The following IMMP2L variants were observed in gnomAD, a reference collection of about 807,000 sequenced individuals.
The protein encoded by IMMP2L is inner mitochondrial membrane peptidase subunit 2, also known as mitochondrial inner membrane protease subunit 2.
A neutral mutation model predicts 19.3 loss-of-function variants in IMMP2L; 18 were observed. That is an observed-to-expected ratio of 0.93 (90% CI 0.64 to 1.38). The LOEUF (loss-of-function observed/expected upper bound fraction) is 1.38, where lower values mean the gene tolerates loss of function less well. Ranked by LOEUF, IMMP2L falls within the 40% of genes most tolerant of loss-of-function variation. IMMP2L has a pLI of 0.00. For synonymous variants in IMMP2L, 76 were observed against 73.0 expected (o/e 1.04, Z -0.21); for missense variants, 233 against 218.2 (o/e 1.07, Z -0.43).
At chr7:111,353,754 C>T (rs572851548) in intron 3 of IMMP2L, among the ~76,000 whole-genome samples, 1 of 152,170 alleles carries the variant, frequency 6.6e-6, no homozygotes. Context: ...CAAAAAAGGA[C>T]TTTCTCAGAA....
At chr7:111,491,394 G>T (rs568055725) in intron 2 of IMMP2L, among the ~76,000 whole-genome samples, 1 of 152,140 alleles carries the variant, frequency 6.6e-6, no homozygotes, top group African/African-American at 2.4e-5. Context: ...AGTGAACTGC[G>T]CTACCTTATT....
rs376416524 is a variant in IMMP2L, at chr7:111,331,042, A to G, written c.239+156196T>C. 1.9e-4 allele frequency among the ~76,000 whole-genome samples: 29 copies of G among 152,094 alleles called. No individual in the cohort carries two copies. In the South Asian group the frequency reaches 4.8e-3, roughly 25 times the overall value. ...GGAAGTTCCTCAAAAAACTAAAAAT[A>G]GAATTAGCATATGACCCAGCAATCC... On this transcript the variant is annotated intron_variant, in intron 3 of 5. Transcript: ENST00000405709.
intron 3 of IMMP2L, among the ~76,000 whole-genome samples, chr7:111,469,486 G>A (rs1841008658): frequency 6.6e-6 from 1 of 151,974 alleles, no homozygotes; most frequent in Admixed American, 6.6e-5. Context: ...TTGTAAGTTG[G>A]ATTCCTAGGT....
chr7:110,686,476 G>C (rs1793122577), intron 5 of IMMP2L, among the ~76,000 whole-genome samples: 1 of 151,810 alleles, frequency 6.6e-6, no homozygotes, highest in Non-Finnish European at 1.5e-5. Context: ...TATCTTCTCA[G>C]TGGCCAGCTG....
intron 3 of IMMP2L, among the ~76,000 whole-genome samples, chr7:111,201,566 A>T (rs371813392): frequency 2.0e-5 from 3 of 151,810 alleles, no homozygotes; most frequent in African/African-American, 7.3e-5. Context: ...AAATACAAAA[A>T]ATTTGCTAGG....
At position 111,229,353 on chromosome 7, in the gene IMMP2L, C is replaced by A. The variant is rs187689084; in HGVS notation, c.239+257885G>T. On this transcript the variant is annotated intron_variant, in intron 3 of 5. Coordinates refer to ENST00000405709, the MANE Select transcript of IMMP2L (RefSeq NM_032549.4). ...AGTGATACGTATGTATCCATTGATA[C>A]AATCTGTATCATGATACATGATAAA... is the stretch of plus-strand genomic sequence containing the variant. 3.5e-4 allele frequency among the ~76,000 whole-genome samples: 53 copies of A among 151,954 alleles called. No individual in the cohort carries two copies. The East Asian group carries it at 9.7e-3, about 28-fold the overall frequency.
At chr7:110,907,390 T>C (rs1339587811) in intron 4 of IMMP2L, among the ~76,000 whole-genome samples, 3 of 152,292 alleles carry the variant, frequency 2.0e-5, no homozygotes, top group South Asian at 2.1e-4. Flanking sequence ...CATCAAGCTG[T>C]CCCTCTGAAG....
At chr7:111,063,371 C>CA (rs1794199912) in intron 3 of IMMP2L, among the ~76,000 whole-genome samples, 1 of 152,188 alleles carries the variant, frequency 6.6e-6, no homozygotes, top group South Asian at 2.1e-4. Flanking sequence ...GCCTAGCCCA[C>CA]AAAACCATTT....
rs1254880927 is a variant in IMMP2L at position 110,955,798 on chromosome 7, C to T, written c.305+7702G>A. Among the ~76,000 whole-genome samples, 3 of 150,600 alleles carry T rather than the reference C, an allele frequency of 2.0e-5. 1 individual carries two copies. Among genetic ancestry groups the T allele is most frequent in the Admixed American group, 2.0e-4 (3 of 15,102 alleles). On this transcript the variant is annotated intron_variant, in intron 4 of 5. Coordinates refer to ENST00000405709, the MANE Select transcript of IMMP2L (RefSeq NM_032549.4). ...CATGAGTTTCTTTTCATATCTCCCT[C>T]CTTTCAGGACAGAAACCATCTCTAA...
At chr7:110,986,467 A>G (rs1429405321) in intron 3 of IMMP2L, among the ~76,000 whole-genome samples, 1 of 152,132 alleles carries the variant, frequency 6.6e-6, no homozygotes, top group Non-Finnish European at 1.5e-5. Flanking sequence ...AAAAATCTTA[A>G]AGATATGAAG....
intron 3 of IMMP2L, among the ~76,000 whole-genome samples, chr7:111,206,137 C>T (rs1810680904): frequency 6.6e-6 from 1 of 152,166 alleles, no homozygotes; most frequent in South Asian, 2.1e-4. Context: ...TATTCTTACA[C>T]AGCTGTGATT....
Position 111,228,966 on chromosome 7 carries a change from C to T in IMMP2L, c.239+258272G>A, listed in dbSNP as rs973042192. Among the ~76,000 whole-genome samples the T allele has an allele frequency of 1.3e-4, 19 of 143,950 alleles. No individual in the cohort carries two copies. In the East Asian group the frequency reaches 2.3e-3, roughly 17 times the overall value. The allele number at this position is 143,950 out of a possible 152,430, so 94.4% of individuals were successfully genotyped here. On this transcript the variant is annotated intron_variant, in intron 3 of 5. Transcript: ENST00000405709. ...GGTAATTCAATAAACACTAGCAATGCGTGTGTGTGTGTGTGTGTGTGTGTG... is the reference window on the plus strand; with the variant it reads ...GGTAATTCAATAAACACTAGCAATGTGTGTGTGTGTGTGTGTGTGTGTGTG...
intron 3 of IMMP2L, among the ~76,000 whole-genome samples, chr7:111,144,742 G>A (rs1439405136): frequency 6.6e-6 from 1 of 152,066 alleles, no homozygotes; most frequent in African/African-American, 2.4e-5. Context: ...GAGGATTCTT[G>A]AGCATTTATT....
At position 110,758,730 on chromosome 7, in the gene IMMP2L, C is replaced by T. The variant is rs969891264; in HGVS notation, c.409-95009G>A. Reference sequence around the variant, plus strand: ...GTTTTGTCACTGATGAGCTCCAAGACCCCAGACAAAAACATCCAACCTTTG... The same window carrying T: ...GTTTTGTCACTGATGAGCTCCAAGATCCCAGACAAAAACATCCAACCTTTG... On this transcript the variant is annotated intron_variant, in intron 5 of 5. Coordinates refer to ENST00000405709, the MANE Select transcript of IMMP2L (RefSeq NM_032549.4). The surrounding 1 kb of genome is among the most constrained non-coding windows in gnomAD (Gnocchi z 4.6). 1.3e-5 allele frequency among the ~76,000 whole-genome samples: 2 copies of T among 152,180 alleles called. No individual in the cohort carries two copies. Among genetic ancestry groups the T allele is most frequent in the East Asian group, 3.9e-4 (2 of 5,156 alleles).
intron 3 of IMMP2L, among the ~76,000 whole-genome samples, chr7:111,321,339 T>C (rs917235324): frequency 6.6e-6 from 1 of 151,988 alleles, no homozygotes; most frequent in Non-Finnish European, 1.5e-5. Flanking sequence ...CTTCCGTATA[T>C]GATTTAATCA....
chr7:110,954,360 G>C (rs1241572693), intron 4 of IMMP2L, among the ~76,000 whole-genome samples: 1 of 151,910 alleles, frequency 6.6e-6, no homozygotes, highest in Non-Finnish European at 1.5e-5. Context: ...CTTTCCACCA[G>C]ACTATAAACT....
intron 3 of IMMP2L, among the ~76,000 whole-genome samples, chr7:111,387,604 T>C (rs886252497): frequency 4.6e-5 from 7 of 152,164 alleles, no homozygotes; most frequent in Admixed American, 1.3e-4. Flanking sequence ...TATGCCAGTG[T>C]TATTGCCTTG....
intron 3 of IMMP2L, among the ~76,000 whole-genome samples, chr7:111,386,503 A>T (rs1461947041): frequency 2.6e-5 from 4 of 152,116 alleles, no homozygotes; most frequent in Admixed American, 6.6e-5. Flanking sequence ...CATGCCAGCT[A>T]CTCAAATTCA....
At chr7:111,540,458 T>C (rs565770194) in intron 1 of IMMP2L, among the ~76,000 whole-genome samples, 70 of 152,312 alleles carry the variant, frequency 4.6e-4, no homozygotes, top group African/African-American at 1.7e-3. Flanking sequence ...CCAAAACCTT[T>C]ACAGCTGAAC....
Sources: allele counts gnomAD v4.1 joint callset (sites outside exome capture counted in the v4.1 genomes callset), GRCh38; gene constraint gnomAD v4.1.1; non-coding constraint Gnocchi (gnomAD v3.1); transcripts MANE v1.5; gene names NCBI Gene and HGNC (gene_info 2026-07-23, HGNC 2026-07-21).